Variants in DMTF1 observed in about 807,000 individuals in gnomAD.
DMTF1 encodes the protein cyclin-D-binding Myb-like transcription factor 1.
Under a neutral mutation model 91.1 loss-of-function variants are expected in DMTF1, and 39 were observed. The ratio of observed to expected loss-of-function variants is 0.43; its 90% confidence interval spans 0.33 to 0.56. DMTF1 has a LOEUF of 0.56. DMTF1 is among the 20% of genes least tolerant of loss of function. DMTF1 has a pLI of 0.05. For synonymous variants in DMTF1, 338 were observed against 309.5 expected (o/e 1.09, Z -0.97); for missense variants, 750 against 914.5 (o/e 0.82, Z 2.32).
At chr7:87,163,837 A>G (rs1793112620) in intron 2 of DMTF1, among the ~76,000 whole-genome samples, 3 of 152,170 alleles carry the variant, frequency 2.0e-5, no homozygotes, top group Admixed American at 6.5e-5. Context: ...AAAGGAAAAT[A>G]CATTCACTTC....
intron 1 of DMTF1, among the ~76,000 whole-genome samples, chr7:87,161,036 A>G (rs750262904): frequency 3.3e-5 from 5 of 152,052 alleles, no homozygotes; most frequent in Non-Finnish European, 5.9e-5. Flanking sequence ...CTTATATCTT[A>G]TATTATTAGT....
chr7:87,169,625 T>C (rs1390507625), intron 4 of DMTF1, among the ~76,000 whole-genome samples: 1 of 152,222 alleles, frequency 6.6e-6, no homozygotes, highest in East Asian at 1.9e-4. Flanking sequence ...TAAACTGTTT[T>C]TCCCAGCTCT....
chr7:87,188,019 C>G (rs1187862895), intron 12 of DMTF1, 73 bp from the exon 13 acceptor site: 3 of 1,219,388 alleles, frequency 2.5e-6, no homozygotes, highest in East Asian at 4.7e-5. Flanking sequence ...TTACCTCCCC[C>G]CACCTCCCTT....
intron 5 of DMTF1, among the ~76,000 whole-genome samples, chr7:87,172,926 G>C (rs1352046813): frequency 6.6e-6 from 1 of 152,234 alleles, no homozygotes; most frequent in African/African-American, 2.4e-5. Flanking sequence ...TTCTTTGAGA[G>C]AAAGGTGCAT....
chr7:87,184,624 A>G lies in DMTF1; in HGVS notation c.1048A>G (p.Arg350Gly). The G allele has an allele frequency of 6.2e-7, 1 of 1,612,518 alleles. No individual in the cohort carries two copies. The highest frequency in any genetic ancestry group is 8.5e-7 in the Non-Finnish European group (1 of 1,178,680). ...TKEDEINLIL[R>G]IAELDVADEN... Reference sequence around the variant, plus strand: ...GGAAGATGAAATCAATCTCATCCTCAGGTTTGTGTCCTGAATCTTGTAATG... The same window carrying G: ...GGAAGATGAAATCAATCTCATCCTCGGGTTTGTGTCCTGAATCTTGTAATG... Residue 350 changes from arginine to glycine, a missense_variant and splice_region_variant, in exon 11 of 18, where the codon AGG (arginine) becomes GGG (glycine). Physicochemically the swap from Arg to Gly is moderately radical, Grantham distance 125. Around this residue, in one of 3 missense-constraint regions of DMTF1, gnomAD observed 190 missense variants for 343.8 expected, o/e 0.55. Transcript: ENST00000331242.
chr7:87,194,931 AGTCCTGTT>A (rs1243384464), intron 17 of DMTF1, 92 bp from the exon 18 acceptor site: 1 of 1,411,836 alleles, frequency 7.1e-7, no homozygotes, highest in African/African-American at 1.4e-5. Flanking sequence ...ATAAGCTACT[AGTCCTGTT>A]GAGTTCTACA....
chr7:87,196,069 C>T lies in DMTF1; in HGVS notation c.*929C>T. On this transcript the variant is annotated 3_prime_UTR_variant, in exon 18 of 18. Coordinates refer to ENST00000331242, the MANE Select transcript of DMTF1 (RefSeq NM_001142327.2). ...AACAAAAGGAAACAAATCTAAGAAT[C>T]ATTCCTGTACTACAGAAGGGTTAAG... 6.6e-6 allele frequency: 1 copy of T among 152,386 alleles called. No individual in the cohort carries two copies. Among genetic ancestry groups the T allele is most frequent in the South Asian group, 2.1e-4 (1 of 4,818 alleles). 9.4% of individuals were successfully genotyped at this position (152,386 alleles called of 1,614,324 possible).
intron 2 of DMTF1, among the ~76,000 whole-genome samples, chr7:87,164,724 CAG>C (rs1053225324): frequency 2.6e-5 from 4 of 152,118 alleles, no homozygotes; most frequent in African/African-American, 4.8e-5. Flanking sequence ...TCAGAGCAAA[CAG>C]ATTCTTTGAG....
chr7:87,181,266 C>G (rs1319203840), intron 8 of DMTF1, 43 bp from the exon 9 acceptor site: 1 of 930,026 alleles, frequency 1.1e-6, no homozygotes, highest in Non-Finnish European at 1.7e-6. Flanking sequence ...TTTTAGCATT[C>G]ATTGTTTTAA....
intron 5 of DMTF1, among the ~76,000 whole-genome samples, chr7:87,171,574 T>G (rs1795079064): frequency 6.6e-6 from 1 of 152,180 alleles, no homozygotes; most frequent in African/African-American, 2.4e-5. Context: ...TAAGTCCCTA[T>G]GTATATAGTA....
chr7:87,162,673 T>C (rs1479897357), intron 1 of DMTF1: 1 of 152,166 alleles, frequency 6.6e-6, no homozygotes, highest in Non-Finnish European at 1.5e-5. Context: ...CAACATGAAA[T>C]CTAATAGCTT....
Position 87,155,632 on chromosome 7 carries a change from A to G in DMTF1, c.-132+3077A>G, listed in dbSNP as rs867954966. 1.7e-4 allele frequency: 26 copies of G among 152,296 alleles called. 1 individual carries two copies. Among genetic ancestry groups the G allele is most frequent in the African/African-American group, 6.3e-4 (26 of 41,566 alleles). 9.4% of individuals were successfully genotyped at this position (152,296 alleles called of 1,614,324 possible). A position where few individuals can be genotyped will look rare whatever the true frequency, so the allele number is the denominator to read the frequency against. ...TCTTGATGGTGCTTTCATTTTGTGA[A>G]GAAAATTCCTGTAATAGAAATCACA... On this transcript the variant is annotated intron_variant, in intron 1 of 17. Transcript: ENST00000331242.
At chr7:87,185,703 C>T in intron 11 of DMTF1, 126 bp from the exon 12 acceptor site, 9 of 1,066,860 alleles carry the variant, frequency 8.4e-6, no homozygotes, top group Non-Finnish European at 1.2e-5. Flanking sequence ...TGTAACTTAA[C>T]AATAGCATCT....
intron 12 of DMTF1, chr7:87,186,706 G>T (rs1250875667): frequency 6.6e-6 from 1 of 152,206 alleles, no homozygotes; most frequent in Non-Finnish European, 1.5e-5. Context: ...ATGCTGTAAG[G>T]GTTTGTAGCC....
At chr7:87,162,548 T>G (rs1331526958) in intron 1 of DMTF1, among the ~76,000 whole-genome samples, 1 of 152,206 alleles carries the variant, frequency 6.6e-6, no homozygotes, top group African/African-American at 2.4e-5. Context: ...TTGGGAAGTT[T>G]ATGGATGATT....
Position 87,193,160 on chromosome 7 carries a change from CTT to C in DMTF1, c.1495-37_1495-36del, listed in dbSNP as rs758978693. 7 of 1,608,038 alleles carry C rather than the reference CTT, an allele frequency of 4.4e-6. No individual in the cohort carries two copies. In the East Asian group the frequency reaches 8.9e-5, roughly 21 times the overall value. ...GTCCGTTTTTGTATATAAAAGTAGACTTAATCATTGTTAAACTATCTTTCCTT... is the reference window on the plus strand; with the variant it reads ...GTCCGTTTTTGTATATAAAAGTAGACAATCATTGTTAAACTATCTTTCCTT... On this transcript the variant is annotated intron_variant, in intron 14 of 17. Transcript: ENST00000331242.
In DMTF1 at chr7:87,173,562, A is replaced by G; in HGVS notation, c.355A>G (p.Ile119Val). The G allele has an allele frequency of 6.2e-6, 10 of 1,609,952 alleles. No homozygotes were observed. Among genetic ancestry groups the G allele is most frequent in the Non-Finnish European group, 7.6e-6 (9 of 1,177,960 alleles). The change falls in exon 6 of 18, where the codon ATA (isoleucine) becomes GTA (valine). Residue 119 changes from isoleucine to valine, a missense_variant. Transcript: ENST00000331242. Reference sequence around the variant, plus strand: ...TTTGCAGAATGAGCAACTAGATGAAATATCTCCCTTGGGTAACGAGGAAGT... The same window carrying G: ...TTTGCAGAATGAGCAACTAGATGAAGTATCTCCCTTGGGTAACGAGGAAGT... ...QILQNEQLDE[I>V]SPLGNEEVSA...
At chr7:87,193,552 A>G in intron 15 of DMTF1, 173 bp from the exon 16 acceptor site, 2 of 805,390 alleles carry the variant, frequency 2.5e-6, no homozygotes, top group Non-Finnish European at 3.9e-6. Context: ...TATACATTAG[A>G]ATAGGGACAT....
At chr7:87,185,552 T>G (rs1798225591) in intron 11 of DMTF1, among the ~76,000 whole-genome samples, 1 of 152,230 alleles carries the variant, frequency 6.6e-6, no homozygotes, top group African/African-American at 2.4e-5. Flanking sequence ...AGCATACTCC[T>G]TTTCCTTCAC....
Sources: allele counts gnomAD v4.1 joint callset (sites outside exome capture counted in the v4.1 genomes callset), GRCh38; gene constraint gnomAD v4.1.1; regional missense constraint gnomAD v4.1.1; transcripts MANE v1.5; gene names NCBI Gene and HGNC (gene_info 2026-07-23, HGNC 2026-07-21).